Variants in ARMH3 observed in about 807,000 individuals in gnomAD.
ARMH3 encodes the protein armadillo-like helical domain-containing protein 3.
ARMH3 carries 60 observed loss-of-function variants against 99.1 expected under a neutral mutation model. The ratio of observed to expected loss-of-function variants is 0.61; its 90% CI spans 0.49 to 0.75. The LOEUF (loss-of-function observed/expected upper bound fraction) is 0.75, where lower values mean the gene tolerates loss of function less well. Among genes scored for constraint, ARMH3 ranks in the 30% least tolerant of loss-of-function variants. The probability of loss-of-function intolerance (pLI) is 0.00; values close to 1 mark genes in which losing one functional copy is unlikely to be tolerated. For synonymous variants in ARMH3, 285 were observed against 292.8 expected (o/e 0.97, Z 0.27); for missense variants, 679 against 843.1 (o/e 0.81, Z 2.41).
chr10:101,900,402 A>G (rs935219432), intron 23 of ARMH3, among the ~76,000 whole-genome samples: 1 of 152,246 alleles, frequency 6.6e-6, no homozygotes, highest in Non-Finnish European at 1.5e-5. Context: ...TTTTCAGAAC[A>G]TAAGAAAATC....
chr10:101,955,841 T>G (rs1309050964), intron 22 of ARMH3, among the ~76,000 whole-genome samples: 3 of 152,202 alleles, frequency 2.0e-5, no homozygotes, highest in Non-Finnish European at 4.4e-5. Flanking sequence ...ATTGTGATAG[T>G]TTCACATACG....
At chr10:101,994,937 G>A (rs551264530) in intron 16 of ARMH3, among the ~76,000 whole-genome samples, 3 of 152,292 alleles carry the variant, frequency 2.0e-5, no homozygotes, top group South Asian at 2.1e-4. Context: ...TAGAGGGGCC[G>A]AGGCACGAGG....
At chr10:102,018,100 T>A (rs2066789659) in intron 8 of ARMH3, among the ~76,000 whole-genome samples, 1 of 152,190 alleles carries the variant, frequency 6.6e-6, no homozygotes, top group Admixed American at 6.5e-5. Context: ...TCCTGACTTT[T>A]GGGTTCAGTA....
intron 5 of ARMH3, chr10:102,029,352 T>A: frequency 8.8e-7 from 1 of 1,134,314 alleles, no homozygotes; most frequent in Non-Finnish European, 1.2e-6. Flanking sequence ...TTATTTAAAT[T>A]CATAAATGTT....
chr10:101,968,148 G>A (rs551928110), intron 20 of ARMH3, among the ~76,000 whole-genome samples: 1 of 152,132 alleles, frequency 6.6e-6, no homozygotes, highest in South Asian at 2.1e-4. Flanking sequence ...TCATGAAAAT[G>A]AGTTTCCACA....
chr10:101,869,283 A>G (rs1413034609), intron 24 of ARMH3, among the ~76,000 whole-genome samples: 1 of 144,164 alleles, frequency 6.9e-6, no homozygotes, highest in South Asian at 2.3e-4. Context: ...AGCGATTTAT[A>G]GAAAACAACT....
intron 19 of ARMH3, 72 bp from the exon 20 acceptor site, chr10:101,975,372 G>C: frequency 8.1e-7 from 1 of 1,227,414 alleles, no homozygotes; most frequent in Non-Finnish European, 1.2e-6. Context: ...TCCCTTCTTA[G>C]TGAGCCAGCT....
rs1193010528 is a variant in ARMH3, at chr10:101,846,595, G to A, written c.*933C>T. ...TGCCAAAACTAAAATTCAAAAGGCG[G>A]TGACTGGACAGCAGAGCACTGGGCA... is the stretch of plus-strand genomic sequence containing the variant. On this transcript the variant is annotated 3_prime_UTR_variant, in exon 26 of 26. Transcript: ENST00000370033. 1 of 152,304 alleles carries A rather than the reference G, an allele frequency of 6.6e-6. No homozygotes were observed. Among genetic ancestry groups the A allele is most frequent in the African/African-American group, 2.4e-5 (1 of 41,466 alleles). The allele number at this position is 152,304 out of a possible 1,614,324, so 9.4% of individuals were successfully genotyped here.
At chr10:101,879,355 ATT>A (rs780370509) in intron 24 of ARMH3, among the ~76,000 whole-genome samples, 10 of 143,338 alleles carry the variant, frequency 7.0e-5, no homozygotes, top group African/African-American at 7.7e-5. Flanking sequence ...TTACATAAGA[ATT>A]TTTTTTTTTT....
At position 101,990,578 on chromosome 10, in the gene ARMH3, A is replaced by G; in HGVS notation, c.1379T>C (p.Met460Thr). ...ATAGAGATCCATAGGAAACTCCTTC[A>G]TCATGTGTGTTACAATAAACTCTAC... ...LMVEFIVTHMMKEFPMDLYIR... is the reference protein window; with the variant it reads ...LMVEFIVTHMTKEFPMDLYIR... The change falls in exon 19 of 26, where the codon ATG (methionine) becomes ACG (threonine). Residue 460 changes from methionine to threonine, a missense_variant. This residue lies in a region of ARMH3 where 389 missense variants were observed against 456.5 expected (regional missense o/e 0.85). Transcript: ENST00000370033. 2 of 1,603,974 alleles carry G rather than the reference A, an allele frequency of 1.2e-6. No individual in the cohort carries two copies. Among genetic ancestry groups the G allele is most frequent in the Non-Finnish European group, 1.7e-6 (2 of 1,170,850 alleles).
In ARMH3 at chr10:102,049,192, CCTTT is replaced by C. The variant is rs966981337; in HGVS notation, c.-12+6889_-12+6892del. Reference sequence around the variant, plus strand: ...CTGGCTCTAAGACAAGCAAATAACCCCTTTCTATTTTAATGAATTTCTACTGCTA... The same window carrying C: ...CTGGCTCTAAGACAAGCAAATAACCCCTATTTTAATGAATTTCTACTGCTA... On this transcript the variant is annotated intron_variant, in intron 1 of 25. Transcript: ENST00000370033. 2.6e-5 allele frequency among the ~76,000 whole-genome samples: 4 copies of C among 152,242 alleles called. No homozygotes were observed. In the East Asian group the frequency reaches 5.8e-4, roughly 22 times the overall value.
At chr10:101,979,820 T>C (rs1474145310) in intron 19 of ARMH3, among the ~76,000 whole-genome samples, 1 of 152,212 alleles carries the variant, frequency 6.6e-6, no homozygotes. Context: ...TACTCTTCAT[T>C]TGAGAGGATT....
At position 102,032,541 on chromosome 10, in the gene ARMH3, C is replaced by T. The variant is rs184911384; in HGVS notation, c.306+485G>A. ...TCAACCTCCTGAGTAGATGGGATTA[C>T]AGGTGCCCACCACCATGCCCGGCTA... On this transcript the variant is annotated intron_variant, in intron 4 of 25. Transcript: ENST00000370033. 2.0e-3 allele frequency among the ~76,000 whole-genome samples: 304 copies of T among 152,206 alleles called. 6 individuals carry two copies. Among genetic ancestry groups the T allele is most frequent in the Non-Finnish European group, 6.2e-4 (42 of 68,014 alleles).
chr10:101,919,162 C>T (rs750427097), intron 23 of ARMH3, among the ~76,000 whole-genome samples: 7 of 152,132 alleles, frequency 4.6e-5, no homozygotes, highest in Non-Finnish European at 7.4e-5. Context: ...GGCATATCAA[C>T]GCAGTGAGAT....
chr10:101,875,246 A>T (rs570432972), intron 24 of ARMH3, among the ~76,000 whole-genome samples: 220 of 151,978 alleles, frequency 1.4e-3, no homozygotes, highest in Non-Finnish European at 2.8e-3. Context: ...AAAAAAAAAT[A>T]GCCAAAAGCA....
intron 19 of ARMH3, among the ~76,000 whole-genome samples, chr10:101,986,059 C>A (rs543166114): frequency 1.3e-5 from 2 of 151,914 alleles, no homozygotes; most frequent in Non-Finnish European, 2.9e-5. Context: ...CACACACACA[C>A]AAACACACAC....
intron 18 of ARMH3, 86 bp from the exon 19 acceptor site, chr10:101,990,697 C>T: frequency 1.0e-6 from 1 of 996,042 alleles, no homozygotes; most frequent in Non-Finnish European, 1.6e-6. Context: ...TCTGAGTACA[C>T]CTTGCACTCA....
chr10:102,042,444 A>G (rs1483556663), intron 1 of ARMH3, among the ~76,000 whole-genome samples: 4 of 152,272 alleles, frequency 2.6e-5, no homozygotes, highest in Non-Finnish European at 5.9e-5. Context: ...CTTTCTAATA[A>G]GCAAAGGGAA....
At chr10:102,043,050 C>T (rs2067461228) in intron 1 of ARMH3, among the ~76,000 whole-genome samples, 1 of 152,152 alleles carries the variant, frequency 6.6e-6, no homozygotes, top group Non-Finnish European at 1.5e-5. Flanking sequence ...CCAGCCTGGG[C>T]AACAAGAGTG....
Sources: gnomAD v4.1 joint callset for allele counts (sites outside exome capture counted in the v4.1 genomes callset) on GRCh38, gnomAD v4.1.1 for gene constraint, gnomAD v4.1.1 regional missense constraint, MANE v1.5 for transcripts, NCBI Gene and HGNC (gene_info 2026-07-23, HGNC 2026-07-21) for gene names.